Variants in CDH12 observed in about 807,000 individuals in gnomAD.
CDH12 encodes cadherin-12.
Under a neutral mutation model 74.1 loss-of-function variants are expected in CDH12, and 41 were observed. That is an observed-to-expected ratio of 0.55 (90% CI 0.43 to 0.72). CDH12 has a LOEUF of 0.72. CDH12 is among the 30% of genes least tolerant of loss of function. The pLI is 0.00. For synonymous variants in CDH12, 399 were observed against 355.0 expected (o/e 1.12, Z -1.39); for missense variants, 945 against 977.2 (o/e 0.97, Z 0.44).
chr5:21,765,158 A>T (rs1744951153), intron 11 of CDH12, 59 bp from the exon 12 acceptor site: 1 of 1,318,420 alleles, frequency 7.6e-7, no homozygotes, highest in Non-Finnish European at 1.0e-6. Flanking sequence ...TATTGCTTCT[A>T]CAATAAATAG....
intron 1 of CDH12, among the ~76,000 whole-genome samples, chr5:22,758,825 G>A (rs1746064527): frequency 1.3e-5 from 2 of 152,086 alleles, no homozygotes. Flanking sequence ...AAAGCGGCAT[G>A]GCTCAAATAA....
In CDH12 at chr5:21,751,903, G is replaced by T; in HGVS notation, c.2219C>A (p.Ala740Asp). Residue 740 changes from alanine (A) to aspartate (D), a missense_variant, in exon 15 of 15, where the codon GCC becomes GAC. By Grantham distance (126) the Ala-to-Asp change is moderately radical. This residue lies in a region of CDH12 where 791 missense variants were observed against 792.8 expected (regional missense o/e 1.00). Transcript: ENST00000382254. The part of the protein sequence containing the change: ...APPYDSLATY[A>D]YEGSGSVAES... ...TGCCACGGACCCACTCCCTTCGTAG[G>T]CATATGTGGCCAGTGAATCGTATGG... 3.1e-6 allele frequency: 5 copies of T among 1,614,046 alleles called. No individual in the cohort carries two copies. The highest frequency in any genetic ancestry group is 2.5e-6 in the Non-Finnish European group (3 of 1,180,002).
At chr5:22,072,892 T>C (rs1314808365) in intron 5 of CDH12, among the ~76,000 whole-genome samples, 1 of 152,120 alleles carries the variant, frequency 6.6e-6, no homozygotes, top group African/African-American at 2.4e-5. Flanking sequence ...GCAATGGAGC[T>C]AGACCACCTG....
intron 4 of CDH12, among the ~76,000 whole-genome samples, chr5:22,169,217 C>T (rs1259092927): frequency 1.3e-5 from 2 of 151,348 alleles, no homozygotes; most frequent in African/African-American, 2.4e-5. Context: ...TCACTTTATC[C>T]TCTTCTACTC....
intron 4 of CDH12, among the ~76,000 whole-genome samples, chr5:22,085,289 T>C (rs895160088): frequency 1.3e-5 from 2 of 152,118 alleles, no homozygotes; most frequent in Non-Finnish European, 2.9e-5. Flanking sequence ...ATACAAAGGC[T>C]GTGGTTTCCC....
At chr5:22,154,572 T>C (rs187410115) in intron 4 of CDH12, among the ~76,000 whole-genome samples, 1 of 149,812 alleles carries the variant, frequency 6.7e-6, no homozygotes, top group African/African-American at 2.5e-5. Context: ...TACACATATG[T>C]ATATATGTAT....
intron 1 of CDH12, among the ~76,000 whole-genome samples, chr5:22,661,574 TAA>T (rs1303738902): frequency 6.6e-6 from 1 of 152,100 alleles, no homozygotes; most frequent in African/African-American, 2.4e-5. Flanking sequence ...ATTTTGCTTT[TAA>T]GTTTCTTACC....
chr5:22,607,922 T>G (rs1359632593), intron 1 of CDH12, among the ~76,000 whole-genome samples: 1 of 152,210 alleles, frequency 6.6e-6, no homozygotes, highest in Non-Finnish European at 1.5e-5. Context: ...TTTCAGTGGA[T>G]GTATGGGAAC....
intron 6 of CDH12, among the ~76,000 whole-genome samples, chr5:21,929,088 A>G (rs1354282763): frequency 6.6e-6 from 1 of 151,930 alleles, no homozygotes; most frequent in Non-Finnish European, 1.5e-5. Flanking sequence ...ATCAAGGGGA[A>G]GTGGGAGGCC....
At chr5:22,562,189 C>A (rs1262732456) in intron 1 of CDH12, among the ~76,000 whole-genome samples, 3 of 151,190 alleles carry the variant, frequency 2.0e-5, no homozygotes, top group African/African-American at 4.8e-5. Context: ...TAGTGGCGGG[C>A]GCCTGTAGTC....
intron 11 of CDH12, among the ~76,000 whole-genome samples, chr5:21,765,336 C>T (rs1744962075): frequency 6.6e-6 from 1 of 151,958 alleles, no homozygotes; most frequent in South Asian, 2.1e-4. Context: ...AAGTGTAGCC[C>T]TTTCTAAAAG....
chr5:21,943,108 G>A (rs1195868078), intron 6 of CDH12, among the ~76,000 whole-genome samples: 3 of 152,056 alleles, frequency 2.0e-5, no homozygotes, highest in Admixed American at 1.3e-4. Context: ...CATGTAAGAC[G>A]TGCCTGTTTC....
chr5:22,070,901 C>T lies in CDH12; in HGVS notation c.231+7545G>A, dbSNP rs10074726. 5.8e-3 allele frequency among the ~76,000 whole-genome samples: 890 copies of T among 152,212 alleles called. 7 individuals are homozygous for T. The highest frequency in any genetic ancestry group is 0.018 in the African/African-American group (756 of 41,544). On this transcript the variant is annotated intron_variant, in intron 5 of 14. Transcript: ENST00000382254. ...AACAGACAACCAAACGCTACATGTT[C>T]TCATTTATAATAGGGAGCTGAACAA...
chr5:22,208,382 C>G (rs1751343225), intron 4 of CDH12, among the ~76,000 whole-genome samples: 1 of 152,168 alleles, frequency 6.6e-6, no homozygotes, highest in African/African-American at 2.4e-5. Flanking sequence ...CTGAGAAGCA[C>G]TCTTTTCTTC....
intron 6 of CDH12, chr5:21,889,811 T>A: frequency 2.0e-6 from 2 of 985,316 alleles, no homozygotes; most frequent in East Asian, 1.1e-4. Flanking sequence ...TCAATATAGA[T>A]GATGAAGAAC....
At chr5:22,215,891 T>C (rs1405504232) in intron 3 of CDH12, among the ~76,000 whole-genome samples, 1 of 152,130 alleles carries the variant, frequency 6.6e-6, no homozygotes, top group East Asian at 1.9e-4. Flanking sequence ...AGAAGTTTAA[T>C]GAAATAAATG....
At chr5:22,033,138 T>C (rs549540361) in intron 5 of CDH12, among the ~76,000 whole-genome samples, 4 of 152,094 alleles carry the variant, frequency 2.6e-5, no homozygotes, top group African/African-American at 9.6e-5. Context: ...AATGTGGAAA[T>C]TTTAGCAATG....
At chr5:22,712,718 T>C (rs1188685707) in intron 1 of CDH12, among the ~76,000 whole-genome samples, 1 of 152,192 alleles carries the variant, frequency 6.6e-6, no homozygotes, top group Non-Finnish European at 1.5e-5. Flanking sequence ...CAGATGGAGA[T>C]ATTAAAATAC....
chr5:22,510,190 T>C (rs368400240), intron 1 of CDH12, among the ~76,000 whole-genome samples: 50 of 152,188 alleles, frequency 3.3e-4, no homozygotes, highest in East Asian at 3.1e-3. Context: ...GAAGAGCATG[T>C]CAAACACATA....
Sources: allele counts gnomAD v4.1 joint callset (sites outside exome capture counted in the v4.1 genomes callset), GRCh38; gene constraint gnomAD v4.1.1; regional missense constraint gnomAD v4.1.1; transcripts MANE v1.5; gene names NCBI Gene and HGNC (gene_info 2026-07-23, HGNC 2026-07-21).